Variants in ATP8A2 observed in about 807,000 individuals in gnomAD.
The protein encoded by ATP8A2 is phospholipid-transporting ATPase IB.
A neutral mutation model predicts 165.6 loss-of-function variants in ATP8A2; 100 were observed. The observed-to-expected ratio is 0.60, with a 90% CI of 0.51 to 0.71. The LOEUF (loss-of-function observed/expected upper bound fraction) is 0.71, where lower values mean the gene tolerates loss of function less well. Ranked by LOEUF, ATP8A2 falls within the 30% of genes least tolerant of loss-of-function variation. ATP8A2 has a pLI of 0.00. For synonymous variants in ATP8A2, 543 were observed against 548.8 expected (o/e 0.99, Z 0.15); for missense variants, 1,227 against 1,479.5 (o/e 0.83, Z 2.80).
chr13:25,928,241 A>G (rs533359406), intron 33 of ATP8A2, among the ~76,000 whole-genome samples: 1 of 152,354 alleles, frequency 6.6e-6, no homozygotes, highest in East Asian at 1.9e-4. Flanking sequence ...AGACATGAAT[A>G]TTTAAAGACT....
intron 27 of ATP8A2, among the ~76,000 whole-genome samples, chr13:25,781,206 T>C (rs1170323270): frequency 1.3e-5 from 2 of 151,980 alleles, no homozygotes; most frequent in Admixed American, 1.3e-4. Flanking sequence ...GAACTTGCAG[T>C]GAGCGGAAGC....
chr13:25,645,825 G>A (rs1487281042), intron 24 of ATP8A2, among the ~76,000 whole-genome samples: 2 of 152,064 alleles, frequency 1.3e-5, no homozygotes, highest in East Asian at 3.9e-4. Context: ...GACTTGTCTT[G>A]TGGCCTGTCA....
At chr13:25,474,184 T>G (rs1032683333) in intron 2 of ATP8A2, among the ~76,000 whole-genome samples, 1 of 139,874 alleles carries the variant, frequency 7.1e-6, no homozygotes, top group African/African-American at 2.4e-5. Flanking sequence ...TTCTTCAGGT[T>G]GGTTTGCCTT....
At chr13:25,958,133 G>A (rs779109715) in intron 33 of ATP8A2, among the ~76,000 whole-genome samples, 18 of 151,778 alleles carry the variant, frequency 1.2e-4, no homozygotes, top group African/African-American at 4.4e-4. Flanking sequence ...GACCTGTTGT[G>A]GGGTGGGGGA....
At chr13:25,787,176 C>T (rs1232493503) in intron 27 of ATP8A2, among the ~76,000 whole-genome samples, 1 of 152,242 alleles carries the variant, frequency 6.6e-6, no homozygotes, top group African/African-American at 2.4e-5. Context: ...CAGTATGACA[C>T]TGGCTCCAAA....
chr13:25,377,684 C>T (rs1440296909), intron 1 of ATP8A2, among the ~76,000 whole-genome samples: 2 of 152,002 alleles, frequency 1.3e-5, no homozygotes, highest in Admixed American at 6.6e-5. Flanking sequence ...CCCTGTAACT[C>T]GGCAGGCTGA....
At chr13:25,571,803 A>T (rs745522601) in intron 18 of ATP8A2, 111 bp downstream of exon 18, 26 of 961,778 alleles carry the variant, frequency 2.7e-5, no homozygotes, top group Non-Finnish European at 4.2e-5. Flanking sequence ...TTCAGTGAAA[A>T]ATTAAGACCT....
intron 27 of ATP8A2, among the ~76,000 whole-genome samples, chr13:25,802,960 T>G (rs200397292): frequency 1.7e-4 from 24 of 140,946 alleles, no homozygotes; most frequent in African/African-American, 2.3e-4. Flanking sequence ...AAGGTGAGTT[T>G]TTTTTTTTTT....
intron 10 of ATP8A2, among the ~76,000 whole-genome samples, chr13:25,546,714 C>A (rs2038661809): frequency 6.6e-6 from 1 of 152,184 alleles, no homozygotes; most frequent in South Asian, 2.1e-4. Context: ...GAGTGATGCA[C>A]ATATATCAAT....
chr13:25,543,364 A>G lies in ATP8A2; in HGVS notation c.853A>G (p.Ile285Val), dbSNP rs777272921. Residue 285 changes from isoleucine (I) to valine (V), a missense_variant, in exon 10 of 37, where the codon ATA becomes GTA. This residue lies in a region of ATP8A2 where 356 missense variants were observed against 394.9 expected (regional missense o/e 0.90). Coordinates refer to ENST00000381655, the MANE Select transcript of ATP8A2 (RefSeq NM_016529.6). ...TAGAAATACTCAGTGGGTCTTTGGC[A>G]TAGTTGTTTATACTGGACACGACAC... ...QLRNTQWVFG[I>V]VVYTGHDTKL... is the part of the protein sequence containing the mutation. 5.0e-6 allele frequency: 8 copies of G among 1,612,758 alleles called. No individual in the cohort carries two copies. Among genetic ancestry groups the G allele is most frequent in the Non-Finnish European group, 5.1e-6 (6 of 1,179,032 alleles).
At chr13:25,807,980 C>T (rs1004917381) in intron 27 of ATP8A2, among the ~76,000 whole-genome samples, 1 of 152,166 alleles carries the variant, frequency 6.6e-6, no homozygotes, top group Admixed American at 6.5e-5. Context: ...AGTAGCCATG[C>T]ACTTTAGTCT....
chr13:25,387,010 C>G (rs1199952337), intron 1 of ATP8A2, among the ~76,000 whole-genome samples: 1 of 151,674 alleles, frequency 6.6e-6, no homozygotes, highest in African/African-American at 2.4e-5. Context: ...AAAAACAGAA[C>G]AAAACAAAAC....
chr13:25,496,167 A>G (rs1247164219), intron 2 of ATP8A2, among the ~76,000 whole-genome samples: 7 of 152,186 alleles, frequency 4.6e-5, no homozygotes, highest in Non-Finnish European at 2.9e-5. Flanking sequence ...GTAGGAAGCC[A>G]TTCCTACAAT....
intron 11 of ATP8A2, among the ~76,000 whole-genome samples, chr13:25,553,443 T>C (rs1332260905): frequency 6.6e-6 from 1 of 152,244 alleles, no homozygotes; most frequent in Non-Finnish European, 1.5e-5. Flanking sequence ...TTACAACCAT[T>C]TCAAAGGCCT....
intron 2 of ATP8A2, among the ~76,000 whole-genome samples, chr13:25,483,429 G>C (rs2036263832): frequency 6.6e-6 from 1 of 152,168 alleles, no homozygotes; most frequent in South Asian, 2.1e-4. Context: ...GGTGATCTCT[G>C]TTGGTTGCGT....
Position 25,961,510 on chromosome 13 carries a change from A to G in ATP8A2, c.3184-65A>G, listed in dbSNP as rs112048678. 322 of 1,272,622 alleles carry G rather than the reference A, an allele frequency of 2.5e-4. No homozygotes were observed. In the African/African-American group the frequency reaches 3.4e-3, roughly 14 times the overall value. The allele number at this position is 1,272,622 out of a possible 1,614,324, so 78.8% of individuals were successfully genotyped here. ...GTGTTGTGAAATATTATCCTTGATT[A>G]CATTATGTTGCTCTGTTTTTGAAAG... On this transcript the variant is annotated intron_variant, in intron 33 of 36. Coordinates refer to ENST00000381655, the MANE Select transcript of ATP8A2 (RefSeq NM_016529.6).
intron 27 of ATP8A2, among the ~76,000 whole-genome samples, chr13:25,784,715 G>T (rs1053758333): frequency 1.3e-5 from 2 of 152,074 alleles, no homozygotes; most frequent in Admixed American, 1.3e-4. Context: ...CTTTCCCGGT[G>T]TAATTTTCAT....
intron 2 of ATP8A2, among the ~76,000 whole-genome samples, chr13:25,470,049 T>A (rs2035800646): frequency 6.6e-6 from 1 of 152,220 alleles, no homozygotes; most frequent in South Asian, 2.1e-4. Context: ...TGAGTTCCAA[T>A]CCAGTGTTCT....
intron 27 of ATP8A2, among the ~76,000 whole-genome samples, chr13:25,775,880 C>A (rs1327799852): frequency 6.6e-6 from 1 of 152,162 alleles, no homozygotes; most frequent in African/African-American, 2.4e-5. Context: ...GTTCAAATAA[C>A]TATTAATAAC....
Sources: gnomAD v4.1 joint callset for allele counts (sites outside exome capture counted in the v4.1 genomes callset) on GRCh38, gnomAD v4.1.1 for gene constraint, gnomAD v4.1.1 regional missense constraint, MANE v1.5 for transcripts, NCBI Gene and HGNC (gene_info 2026-07-23, HGNC 2026-07-21) for gene names.